The following SLC11A2 variants were observed in gnomAD, a reference collection of about 807,000 sequenced individuals.
SLC11A2 encodes natural resistance-associated macrophage protein 2.
A neutral mutation model predicts 68.0 loss-of-function variants in SLC11A2; 38 were observed. The ratio of observed to expected loss-of-function variants is 0.56; its 90% confidence interval spans 0.43 to 0.73. SLC11A2 has a LOEUF of 0.73. SLC11A2 is among the 30% of genes least tolerant of loss of function. The pLI, the probability that SLC11A2 is intolerant of heterozygous loss-of-function variation, is 0.00. For synonymous variants in SLC11A2, 242 were observed against 250.6 expected, an observed-to-expected ratio of 0.97 and a Z score of 0.32; for missense variants, 517 against 690.5, an observed-to-expected ratio of 0.75 and a Z score of 2.82.
chr12:50,961,120 T>C, the SLC11A2 span: 2 of 1,612,942 alleles, frequency 1.2e-6, no homozygotes, highest in East Asian at 2.2e-5. Context: ...GCTTAATTTG[T>C]ATCTTATGTT....
the SLC11A2 span, among the ~76,000 whole-genome samples, chr12:50,966,100 T>G: frequency 6.6e-6 from 1 of 152,200 alleles, no homozygotes; most frequent in Non-Finnish European, 1.5e-5. Context: ...TAGGCTTTGC[T>G]GCCCATCACA....
chr12:50,971,412 T>G, the SLC11A2 span, among the ~76,000 whole-genome samples: 2 of 152,260 alleles, frequency 1.3e-5, no homozygotes, highest in Non-Finnish European at 2.9e-5. Flanking sequence ...ATTATTTGTT[T>G]ATTCATTTTT....
intron 1 of SLC11A2, 62 bp downstream of exon 1, chr12:51,026,248 C>T: frequency 8.2e-7 from 1 of 1,225,222 alleles, no homozygotes; most frequent in Non-Finnish European, 1.1e-6. Flanking sequence ...CCTCGAGCCG[C>T]CCCGCGCCCC....
chr12:50,969,470 C>A, the SLC11A2 span, among the ~76,000 whole-genome samples: 1 of 152,012 alleles, frequency 6.6e-6, no homozygotes, highest in East Asian at 1.9e-4. Context: ...GAGGCCAAGG[C>A]AGGCAGACCA....
intron 14 of SLC11A2, chr12:50,991,397 TC>T: frequency 1.7e-6 from 1 of 602,428 alleles, no homozygotes; most frequent in Non-Finnish European, 3.0e-6. Context: ...GAACTTTCTC[TC>T]CCCTTCATAT....
At chr12:50,995,604 C>A in intron 10 of SLC11A2, 25 bp downstream of exon 10, 1 of 1,613,228 alleles carries the variant, frequency 6.2e-7, no homozygotes, top group Non-Finnish European at 8.5e-7. Flanking sequence ...ACATTCACTA[C>A]CACCCATAAC....
At chr12:50,958,363 G>A in the SLC11A2 span, among the ~76,000 whole-genome samples, 3 of 148,696 alleles carry the variant, frequency 2.0e-5, no homozygotes, top group East Asian at 6.0e-4. Context: ...CTCACTGCAA[G>A]CTCTGCCTCC....
intron 8 of SLC11A2, among the ~76,000 whole-genome samples, chr12:50,998,307 C>A (rs1941912947): frequency 6.6e-6 from 1 of 151,960 alleles, no homozygotes; most frequent in African/African-American, 2.4e-5. Context: ...TGCAAGTGAG[C>A]CAAGATCACA....
At position 50,987,935 on chromosome 12, in the gene SLC11A2, C is replaced by T. The variant is rs224446; in HGVS notation, c.*390G>A. 211,621 of 1,279,300 alleles carry T rather than the reference C, an allele frequency of 0.17. 19,273 individuals are homozygous for T. Among genetic ancestry groups the T allele is most frequent in the East Asian group, 0.5 (8,961 of 18,062 alleles). 79.2% of individuals were successfully genotyped at this position (1,279,300 alleles called of 1,614,324 possible). A position where few individuals can be genotyped will look rare whatever the true frequency, so the allele number is the denominator to read the frequency against. On this transcript the variant is annotated 3_prime_UTR_variant, in exon 16 of 16. Coordinates refer to ENST00000262052, the MANE Select transcript of SLC11A2 (RefSeq NM_000617.3). ...CATTTTGATAAATAAAACTTGCATA[C>T]TCATTCTGTAGTTTGTATAATAAAA...
chr12:50,952,660 C>T, the SLC11A2 span, among the ~76,000 whole-genome samples: 2 of 152,122 alleles, frequency 1.3e-5, no homozygotes, highest in African/African-American at 4.8e-5. Flanking sequence ...TTCCCCTGGG[C>T]GCGTGTGCAG....
rs186174410 is a variant in SLC11A2, at chr12:51,016,527, C to T, written c.-38-5761G>A. 5.8e-3 allele frequency among the ~76,000 whole-genome samples: 886 copies of T among 151,674 alleles called. 4 individuals are homozygous for T. The highest frequency in any genetic ancestry group is 9.7e-3 in the Non-Finnish European group (657 of 67,908). ...TGAGACCCCATCTTTACTTAAGATACAAAAAATTAGCCAGTGTAGTGGCGC... is the reference window on the plus strand; with the variant it reads ...TGAGACCCCATCTTTACTTAAGATATAAAAAATTAGCCAGTGTAGTGGCGC... On this transcript the variant is annotated intron_variant, in intron 1 of 15. Coordinates refer to ENST00000262052, the MANE Select transcript of SLC11A2 (RefSeq NM_000617.3).
chr12:50,995,584 C>T, intron 10 of SLC11A2, 45 bp downstream of exon 10: 1 of 1,602,406 alleles, frequency 6.2e-7, no homozygotes, highest in South Asian at 1.1e-5. Flanking sequence ...GCAGTCTTCA[C>T]TTTACCCTCA....
rs1356147592 is a variant in SLC11A2, at chr12:50,999,173, C to T, written c.675+1G>A. On this transcript the variant is annotated splice_donor_variant, in intron 8 of 15. Transcript: ENST00000262052. LOFTEE classifies it high-confidence loss of function. ...GCTAATGAATATCCTGTACCACTTG[C>T]CTCATATCCAAATGTGAGGGCCATA... The T allele has an allele frequency of 6.2e-7, 1 of 1,609,504 alleles. No homozygotes were observed. The highest frequency in any genetic ancestry group is 8.5e-7 in the Non-Finnish European group (1 of 1,176,074).
chr12:50,998,335 T>C (rs987940565), intron 8 of SLC11A2, among the ~76,000 whole-genome samples: 1 of 152,170 alleles, frequency 6.6e-6, no homozygotes, highest in Non-Finnish European at 1.5e-5. Flanking sequence ...CACTCTAGCC[T>C]ACATGACAGA....
At position 51,000,196 on chromosome 12, in the gene SLC11A2, A is replaced by C. The variant is rs1036058029; in HGVS notation, c.536+117T>G. The C allele has an allele frequency of 1.6e-5, 12 of 765,728 alleles. No homozygotes were observed. The Admixed American group carries it at 1.6e-4, about 10-fold the overall frequency. 47.4% of individuals were successfully genotyped at this position (765,728 alleles called of 1,614,324 possible). A position where few individuals can be genotyped will look rare whatever the true frequency, so the allele number is the denominator to read the frequency against. ...GAAATTGTTTCCAGAAAGGTTCCAC[A>C]GAAGAAATAACAATTGAGTTGAGTC... On this transcript the variant is annotated intron_variant, in intron 6 of 15. Transcript: ENST00000262052.
At chr12:50,952,788 C>T in the SLC11A2 span, among the ~76,000 whole-genome samples, 1 of 152,186 alleles carries the variant, frequency 6.6e-6, no homozygotes, top group Admixed American at 6.5e-5. Context: ...CTGGCTAGGG[C>T]GTGTTTCCGA....
At position 50,993,004 on chromosome 12, in the gene SLC11A2, G is replaced by A. The variant is rs75230254; in HGVS notation, c.1078-75C>T. 1,700 of 1,571,384 alleles carry A rather than the reference G, an allele frequency of 1.1e-3. 31 individuals carry two copies. In the East Asian group the frequency reaches 0.032, roughly 30 times the overall value. ...ACAATATCCAAAACAGCAGTTCCCTGTGGCATTTCTCCCTTCTTTGCTATG... is the reference window on the plus strand; with the variant it reads ...ACAATATCCAAAACAGCAGTTCCCTATGGCATTTCTCCCTTCTTTGCTATG... On this transcript the variant is annotated intron_variant, in intron 11 of 15. Coordinates refer to ENST00000262052, the MANE Select transcript of SLC11A2 (RefSeq NM_000617.3).
intron 1 of SLC11A2, among the ~76,000 whole-genome samples, chr12:51,020,588 T>A (rs1381107585): frequency 6.6e-6 from 1 of 152,160 alleles, no homozygotes; most frequent in Non-Finnish European, 1.5e-5. Flanking sequence ...GCGCTTAACA[T>A]GAACCAGTCT....
the SLC11A2 span, among the ~76,000 whole-genome samples, chr12:50,974,258 A>G: frequency 6.6e-6 from 1 of 152,218 alleles, no homozygotes; most frequent in Admixed American, 6.5e-5. Context: ...GGTTACCCAC[A>G]AAGGGAAGCC....
Sources: allele counts gnomAD v4.1 joint callset (sites outside exome capture counted in the v4.1 genomes callset), GRCh38; gene constraint gnomAD v4.1.1; transcripts MANE v1.5; gene names NCBI Gene and HGNC (gene_info 2026-07-23, HGNC 2026-07-21).